EVC2: variants seen among roughly 807,000 people sequenced by gnomAD.
EVC2 encodes the protein limbin.
A neutral mutation model predicts 149.3 loss-of-function variants in EVC2; 148 were observed. That is an observed-to-expected ratio of 0.99 (90% CI 0.87 to 1.14). EVC2 has a LOEUF of 1.14. Ranked by LOEUF, EVC2 falls within the 50% of genes most tolerant of loss-of-function variation. EVC2 has a pLI of 0.00. For missense variants in EVC2, 1,854 were observed against 1,627.3 expected, an observed-to-expected ratio of 1.14 and a Z score of -2.40; for synonymous variants, 776 against 649.9, an observed-to-expected ratio of 1.19 and a Z score of -2.95.
intron 1 of EVC2, among the ~76,000 whole-genome samples, chr4:5,699,063 G>GT (rs1285997075): frequency 1.3e-5 from 2 of 152,318 alleles, no homozygotes; most frequent in Non-Finnish European, 2.9e-5. Context: ...CTGGGGTGAT[G>GT]TAACCCCAGC....
chr4:5,565,396 AC>A (rs757097458), intron 20 of EVC2, 37 bp from the exon 21 acceptor site: 2 of 1,596,214 alleles, frequency 1.3e-6, no homozygotes, highest in African/African-American at 2.7e-5. Flanking sequence ...TTTCAAAAAT[AC>A]GCCTGTAATC....
At chr4:5,616,448 T>C (rs1275248238) in intron 15 of EVC2, among the ~76,000 whole-genome samples, 1 of 152,156 alleles carries the variant, frequency 6.6e-6, no homozygotes, top group African/African-American at 2.4e-5. Flanking sequence ...ACCTGTTTTG[T>C]GGGCCTAGAT....
chr4:5,561,716 A>G (rs1721967170), downstream of EVC2, among the ~76,000 whole-genome samples: 1 of 152,160 alleles, frequency 6.6e-6, no homozygotes, highest in Admixed American at 6.5e-5. Context: ...TCATAGGCAA[A>G]TTATTTAAAC....
At chr4:5,674,448 C>A (rs775015750) in intron 7 of EVC2, among the ~76,000 whole-genome samples, 9 of 152,144 alleles carry the variant, frequency 5.9e-5, no homozygotes, top group Admixed American at 2.0e-4. Context: ...TTCAACAATT[C>A]TATTCTGATG....
chr4:5,708,376 T>C lies in EVC2; in HGVS notation c.138A>G (p.Pro46=). 1 of 1,491,696 alleles carries C rather than the reference T, an allele frequency of 6.7e-7. No individual in the cohort carries two copies. Among genetic ancestry groups the C allele is most frequent in the Non-Finnish European group, 8.9e-7 (1 of 1,127,976 alleles). The allele number at this position is 1,491,696 out of a possible 1,614,324, so 92.4% of individuals were successfully genotyped here. A position where few individuals can be genotyped will look rare whatever the true frequency, so the allele number is the denominator to read the frequency against. The change falls in exon 1 of 22, where the codon CCA becomes CCG. Residue 46 remains proline, a synonymous_variant. Coordinates refer to ENST00000344408, the MANE Select transcript of EVC2 (RefSeq NM_147127.5). ...RPRWRPLGAQ[P]PRDPQVAPRS... is the part of the protein sequence containing the mutation. ...TAGGAGCCACCTGGGGATCCCGGGG[T>C]GGCTGCGCGCCGAGGGGGCGCCAGC...
rs531330198 is a variant in EVC2 at position 5,680,215 on chromosome 4, C to T, written c.870+1045G>A. Among the ~76,000 whole-genome samples, 26 of 152,272 alleles carry T rather than the reference C, an allele frequency of 1.7e-4. No individual in the cohort carries two copies. The South Asian group carries it at 5.4e-3, about 32-fold the overall frequency. On this transcript the variant is annotated intron_variant, in intron 7 of 21. Transcript: ENST00000344408. ...TCGGATTTGATCAGTGGAAGGGATA[C>T]ACTCTAAAATAACAATAAAAAGTAT...
rs998459325 is a variant in EVC2 at position 5,569,279 on chromosome 4, G to A, written c.3361-639C>T. 5.3e-5 allele frequency among the ~76,000 whole-genome samples: 8 copies of A among 152,182 alleles called. No individual in the cohort carries two copies. Among genetic ancestry groups the A allele is most frequent in the East Asian group, 1.9e-4 (1 of 5,186 alleles). On this transcript the variant is annotated intron_variant, in intron 19 of 21. Transcript: ENST00000344408. The surrounding 1 kb of genome is among the most constrained non-coding windows in gnomAD (Gnocchi z 4.8). ...TGGCCTTAAAGGGGCAGCCCAGGGT[G>A]GCCTTTGTGGTGGTTGACAGCTCTG...
At position 5,633,557 on chromosome 4, in the gene EVC2, T is replaced by C. The variant is rs1243340746; in HGVS notation, c.1471-1525A>G. On this transcript the variant is annotated intron_variant, in intron 10 of 21. Transcript: ENST00000344408. The surrounding 1 kb of genome is among the most constrained non-coding windows in gnomAD (Gnocchi z 4.4). ...CAAGCTCTGAAACCACTCAAGGCAGTGACAGTGGAGCTTGTTGGTGAAGCG... is the reference window on the plus strand; with the variant it reads ...CAAGCTCTGAAACCACTCAAGGCAGCGACAGTGGAGCTTGTTGGTGAAGCG... Among the ~76,000 whole-genome samples, 2 of 152,172 alleles carry C rather than the reference T, an allele frequency of 1.3e-5. No homozygotes were observed. Among genetic ancestry groups the C allele is most frequent in the African/African-American group, 4.8e-5 (2 of 41,450 alleles).
At chr4:5,669,042 T>C (rs1719461370) in intron 7 of EVC2, among the ~76,000 whole-genome samples, 1 of 152,130 alleles carries the variant, frequency 6.6e-6, no homozygotes, top group South Asian at 2.1e-4. Context: ...AGGCAGATAC[T>C]GAGTGATGCA....
At chr4:5,642,213 T>G (rs142822725) in intron 9 of EVC2, among the ~76,000 whole-genome samples, 1 of 152,204 alleles carries the variant, frequency 6.6e-6, no homozygotes, top group African/African-American at 2.4e-5. Context: ...TTCCAAGTCC[T>G]TGCTATTGTA....
In EVC2 at chr4:5,640,682, C is replaced by G. The variant is rs542926578; in HGVS notation, c.1302G>C (p.Lys434Asn). Residue 434 changes from lysine to asparagine, a missense_variant, in exon 10 of 22, where the codon AAG (lysine) becomes AAC (asparagine). Lys to Asn is a moderately conservative substitution (Grantham distance 94). Transcript: ENST00000344408. This position sits in a 1 kb window ranked among gnomAD's most constrained non-coding sequence, Gnocchi z 4.6. Reference sequence around the variant, plus strand: ...TTTCATTTTCCAGCAATAGAAACTGCTTTTTGAAAACAGCACTCATTTTTC... The same window carrying G: ...TTTCATTTTCCAGCAATAGAAACTGGTTTTTGAAAACAGCACTCATTTTTC... Reference protein sequence around the residue: ...VERKMSAVFKKQFLLLENEIQ... With the variant: ...VERKMSAVFKNQFLLLENEIQ... 1 of 1,614,124 alleles carries G rather than the reference C, an allele frequency of 6.2e-7. No individual in the cohort carries two copies. The highest frequency in any genetic ancestry group is 2.2e-5 in the East Asian group (1 of 44,858).
intron 9 of EVC2, among the ~76,000 whole-genome samples, chr4:5,641,303 G>A (rs533915469): frequency 6.6e-6 from 1 of 152,222 alleles, no homozygotes; most frequent in South Asian, 2.1e-4. Context: ...AATAAAGCAT[G>A]GACTTTGATA....
intron 11 of EVC2, among the ~76,000 whole-genome samples, chr4:5,630,074 G>A (rs550631569): frequency 4.9e-4 from 75 of 152,330 alleles, no homozygotes; most frequent in African/African-American, 1.3e-3. Flanking sequence ...ACGCCATGGC[G>A]TCTGAATACC....
intron 17 of EVC2, among the ~76,000 whole-genome samples, chr4:5,583,860 G>GTT (rs11284060): frequency 1.5e-3 from 223 of 145,748 alleles, no homozygotes; most frequent in Middle Eastern, 3.6e-3. Context: ...AAGAAACACA[G>GTT]TTTTTTTTTT....
At chr4:5,602,473 CT>C in intron 16 of EVC2, among the ~76,000 whole-genome samples, 1 of 151,916 alleles carries the variant, frequency 6.6e-6, no homozygotes, top group South Asian at 2.1e-4. Context: ...TAATTAAGTG[CT>C]TATAATCATA....
rs1719572997 is a variant in EVC2 at position 5,670,469 on chromosome 4, TCATCACCATCCCCAC to T, written c.871-4835_871-4821del. Among the ~76,000 whole-genome samples, 1 of 151,436 alleles carries T rather than the reference TCATCACCATCCCCAC, an allele frequency of 6.6e-6. No individual in the cohort carries two copies. Among genetic ancestry groups the T allele is most frequent in the East Asian group, 1.9e-4 (1 of 5,148 alleles). ...ATCAGCAGGATCACCATCAAATTCA[TCATCACCATCCCCAC>T]CATCACCATCACCACCATCACCATC... On this transcript the variant is annotated intron_variant, in intron 7 of 21. Coordinates refer to ENST00000344408, the MANE Select transcript of EVC2 (RefSeq NM_147127.5). The surrounding 1 kb of genome is among the most constrained non-coding windows in gnomAD (Gnocchi z 5.2).
chr4:5,672,254 G>C (rs1490281880), intron 7 of EVC2, among the ~76,000 whole-genome samples: 2 of 152,200 alleles, frequency 1.3e-5, no homozygotes, highest in African/African-American at 2.4e-5. Context: ...CCTGGAGAAG[G>C]ACTGGCCTGA....
intron 9 of EVC2, among the ~76,000 whole-genome samples, chr4:5,641,185 T>C (rs1049339403): frequency 1.3e-5 from 2 of 152,202 alleles, no homozygotes; most frequent in Non-Finnish European, 1.5e-5. Context: ...TTACTTTTCT[T>C]CCCATTAAAA....
In EVC2 at chr4:5,693,817, G is replaced by A. The variant is rs543458251; in HGVS notation, c.450+518C>T. Among the ~76,000 whole-genome samples the A allele has an allele frequency of 9.2e-5, 14 of 152,300 alleles. No homozygotes were observed. In the South Asian group the frequency reaches 2.7e-3, roughly 29 times the overall value. The stretch of plus-strand genomic sequence containing the variant: ...GAATAGAAAACAACAGCAAGAGCAC[G>A]GAGCTCTGCCACTTCTACCTGTGGG... On this transcript the variant is annotated intron_variant, in intron 3 of 21. Coordinates refer to ENST00000344408, the MANE Select transcript of EVC2 (RefSeq NM_147127.5).
Sources: allele counts gnomAD v4.1 joint callset (sites outside exome capture counted in the v4.1 genomes callset), GRCh38; gene constraint gnomAD v4.1.1; non-coding constraint Gnocchi (gnomAD v3.1); transcripts MANE v1.5; gene names NCBI Gene and HGNC (gene_info 2026-07-23, HGNC 2026-07-21).